ST6GALNAC3: variants seen among roughly 807,000 people sequenced by gnomAD.
The protein encoded by ST6GALNAC3 is alpha-N-acetylgalactosaminide alpha-2,6-sialyltransferase 3.
ST6GALNAC3 carries 25 observed loss-of-function variants against 32.7 expected under a neutral mutation model. The observed-to-expected ratio is 0.76, with a 90% CI of 0.56 to 1.07. The LOEUF (loss-of-function observed/expected upper bound fraction) is 1.07. Ranked by LOEUF, ST6GALNAC3 falls within the 50% of genes least tolerant of loss-of-function variation. ST6GALNAC3 has a pLI of 0.00. For synonymous variants in ST6GALNAC3, 129 were observed against 133.1 expected, an observed-to-expected ratio of 0.97 and a Z score of 0.21; for missense variants, 355 against 382.4, an observed-to-expected ratio of 0.93 and a Z score of 0.60.
intron 3 of ST6GALNAC3, among the ~76,000 whole-genome samples, chr1:76,470,557 A>ATAT (rs1316142451): frequency 6.6e-6 from 1 of 152,152 alleles, no homozygotes; most frequent in Non-Finnish European, 1.5e-5. Flanking sequence ...TGTCACAAAC[A>ATAT]TGAAATACAT....
At chr1:76,370,088 A>G (rs931998411) in intron 2 of ST6GALNAC3, among the ~76,000 whole-genome samples, 1 of 152,314 alleles carries the variant, frequency 6.6e-6, no homozygotes, top group African/African-American at 2.4e-5. Flanking sequence ...TTTCTCAGTG[A>G]TAAAGCAGCA....
At chr1:76,169,128 GTT>G (rs1652313224) in intron 1 of ST6GALNAC3, among the ~76,000 whole-genome samples, 1 of 152,144 alleles carries the variant, frequency 6.6e-6, no homozygotes, top group Non-Finnish European at 1.5e-5. Context: ...TTCATGAGCT[GTT>G]GTAAGGTAGG....
At chr1:76,105,099 C>T (rs2100785817) in intron 1 of ST6GALNAC3, among the ~76,000 whole-genome samples, 1 of 152,310 alleles carries the variant, frequency 6.6e-6, no homozygotes, top group East Asian at 1.9e-4. Flanking sequence ...TGAAGCTTTT[C>T]TCATCTATCC....
At position 76,406,496 on chromosome 1, in the gene ST6GALNAC3, T is replaced by C. The variant is rs1242151325; in HGVS notation, c.214-5512T>C. Reference sequence around the variant, plus strand: ...AAAATTGGTCATGATTAGTTTATCTTAGACTGAAATTTCAGCCATATTTCA... The same window carrying C: ...AAAATTGGTCATGATTAGTTTATCTCAGACTGAAATTTCAGCCATATTTCA... On this transcript the variant is annotated intron_variant, in intron 2 of 4. Coordinates refer to ENST00000328299, the MANE Select transcript of ST6GALNAC3 (RefSeq NM_152996.4). Among the ~76,000 whole-genome samples, 3 of 152,072 alleles carry C rather than the reference T, an allele frequency of 2.0e-5. No homozygotes were observed. The East Asian group carries it at 5.8e-4, about 29-fold the overall frequency.
intron 1 of ST6GALNAC3, among the ~76,000 whole-genome samples, chr1:76,122,134 T>G (rs928022540): frequency 6.6e-6 from 1 of 152,176 alleles, no homozygotes; most frequent in Non-Finnish European, 1.5e-5. Context: ...ATCATCTACC[T>G]TTCTCCCTCA....
chr1:76,191,675 TAAGAA>T (rs551916014), intron 1 of ST6GALNAC3, among the ~76,000 whole-genome samples: 215 of 151,854 alleles, frequency 1.4e-3, no homozygotes, highest in African/African-American at 4.9e-3. Flanking sequence ...AACTAAAAAA[TAAGAA>T]AAGAAGTTGA....
chr1:76,528,169 A>G (rs551408851), intron 3 of ST6GALNAC3, among the ~76,000 whole-genome samples: 65 of 152,272 alleles, frequency 4.3e-4, no homozygotes, highest in African/African-American at 1.5e-3. Flanking sequence ...ATGTGAGAAT[A>G]TCAAAGAAGC....
At chr1:76,514,755 A>T (rs1662074365) in intron 3 of ST6GALNAC3, among the ~76,000 whole-genome samples, 1 of 152,130 alleles carries the variant, frequency 6.6e-6, no homozygotes, top group South Asian at 2.1e-4. Context: ...TTTATAAATT[A>T]CCCAGTCTCT....
At chr1:76,430,763 T>A (rs1487991046) in intron 3 of ST6GALNAC3, among the ~76,000 whole-genome samples, 1 of 152,172 alleles carries the variant, frequency 6.6e-6, no homozygotes, top group Non-Finnish European at 1.5e-5. Flanking sequence ...TGTTTTTTCA[T>A]CTCTCTGTGC....
chr1:76,128,825 T>G (rs1345760543), intron 1 of ST6GALNAC3, among the ~76,000 whole-genome samples: 1 of 152,094 alleles, frequency 6.6e-6, no homozygotes, highest in Non-Finnish European at 1.5e-5. Context: ...ATTTAGTCAG[T>G]TAAAAAAGTC....
intron 1 of ST6GALNAC3, among the ~76,000 whole-genome samples, chr1:76,240,332 CT>C (rs1047062698): frequency 2.9e-4 from 44 of 152,268 alleles, no homozygotes; most frequent in African/African-American, 9.9e-4. Context: ...ACTTGTTTTA[CT>C]TTTTACCAGC....
intron 2 of ST6GALNAC3, among the ~76,000 whole-genome samples, chr1:76,391,340 CTAATGTGAGTG>C (rs1652529591): frequency 6.6e-6 from 1 of 152,124 alleles, no homozygotes; most frequent in African/African-American, 2.4e-5. Flanking sequence ...TGAAAAGCTT[CTAATGTGAGTG>C]TGTGCTGTGG....
At chr1:76,473,230 AAGG>A (rs1441758129) in intron 3 of ST6GALNAC3, among the ~76,000 whole-genome samples, 2 of 152,120 alleles carry the variant, frequency 1.3e-5, no homozygotes, top group Non-Finnish European at 2.9e-5. Flanking sequence ...CTCATAAATG[AAGG>A]AGAAGTCACA....
intron 3 of ST6GALNAC3, among the ~76,000 whole-genome samples, chr1:76,592,060 A>G (rs1468353550): frequency 6.6e-6 from 1 of 152,224 alleles, no homozygotes; most frequent in East Asian, 1.9e-4. Context: ...TAAGGTGAAG[A>G]ATCCCAGATT....
intron 1 of ST6GALNAC3, among the ~76,000 whole-genome samples, chr1:76,271,636 C>T (rs1229788639): frequency 6.6e-6 from 1 of 152,196 alleles, no homozygotes; most frequent in African/African-American, 2.4e-5. Flanking sequence ...GAAGGGATTG[C>T]TGTTTAAACC....
intron 3 of ST6GALNAC3, among the ~76,000 whole-genome samples, chr1:76,451,389 G>A (rs1657391296): frequency 6.6e-6 from 1 of 152,094 alleles, no homozygotes. Context: ...CATTTCTCAT[G>A]AGACTTACTC....
intron 1 of ST6GALNAC3, among the ~76,000 whole-genome samples, chr1:76,227,383 A>T (rs1016380109): frequency 2.0e-5 from 3 of 152,162 alleles, no homozygotes; most frequent in African/African-American, 7.2e-5. Context: ...AATTGAGCAC[A>T]TTGTTTTAAA....
intron 1 of ST6GALNAC3, among the ~76,000 whole-genome samples, chr1:76,194,363 A>G (rs1193403133): frequency 1.3e-5 from 2 of 152,200 alleles, no homozygotes; most frequent in Non-Finnish European, 2.9e-5. Context: ...ACCCTTCTAC[A>G]TTCTTAAGAA....
At chr1:76,250,429 G>C (rs1239659015) in intron 1 of ST6GALNAC3, among the ~76,000 whole-genome samples, 4 of 152,138 alleles carry the variant, frequency 2.6e-5, no homozygotes, top group African/African-American at 9.7e-5. Context: ...CTTGTTAATG[G>C]CTTTTTAAGT....
Sources: gnomAD v4.1 joint callset for allele counts (sites outside exome capture counted in the v4.1 genomes callset) on GRCh38, gnomAD v4.1.1 for gene constraint, MANE v1.5 for transcripts, NCBI Gene and HGNC (gene_info 2026-07-23, HGNC 2026-07-21) for gene names.